Variants in MTUS2 observed in about 807,000 individuals in gnomAD.
The protein encoded by MTUS2 is microtubule-associated tumor suppressor candidate 2.
MTUS2 carries 40 observed loss-of-function variants against 114.1 expected under a neutral mutation model. The ratio of observed to expected loss-of-function variants is 0.35; its 90% CI spans 0.27 to 0.46. The LOEUF is 0.46. MTUS2 is among the 20% of genes least tolerant of loss of function. The pLI, the probability that MTUS2 is intolerant of heterozygous loss-of-function variation, is 1.00. For missense variants in MTUS2, 1,679 were observed against 1,705.4 expected (o/e 0.98, Z 0.27); for synonymous variants, 688 against 672.0 (o/e 1.02, Z -0.37).
chr13:29,285,156 A>G (rs9508333), intron 6 of MTUS2, among the ~76,000 whole-genome samples: 33,437 of 150,950 alleles, frequency 0.22, 3,914 homozygotes, highest in East Asian at 0.39. Flanking sequence ...ACAATGGATG[A>G]ATACCCATCA....
At chr13:29,476,213 T>C (rs1157865004) in intron 9 of MTUS2, among the ~76,000 whole-genome samples, 1 of 152,188 alleles carries the variant, frequency 6.6e-6, no homozygotes, top group Non-Finnish European at 1.5e-5. Context: ...TAGTAGGCTA[T>C]GCCTACACTC....
At chr13:28,868,894 C>T (rs57477721) in intron 2 of MTUS2, among the ~76,000 whole-genome samples, 3,627 of 152,224 alleles carry the variant, frequency 0.024, 141 homozygotes, top group African/African-American at 0.081. Context: ...AAGCATTGGG[C>T]TGAGTCAGAT....
chr13:28,981,859 C>G (rs1004380097), intron 2 of MTUS2, among the ~76,000 whole-genome samples: 4 of 152,150 alleles, frequency 2.6e-5, no homozygotes, highest in African/African-American at 9.7e-5. Context: ...TGAGTGCGGC[C>G]CACCATTGTG....
intron 5 of MTUS2, among the ~76,000 whole-genome samples, chr13:29,220,028 T>C (rs745623326): frequency 2.0e-5 from 3 of 151,790 alleles, no homozygotes; most frequent in Non-Finnish European, 4.4e-5. Context: ...AGAGTTTTGC[T>C]CTTGTTGCCC....
chr13:29,315,412 A>G (rs937138513), intron 6 of MTUS2, among the ~76,000 whole-genome samples: 1 of 152,238 alleles, frequency 6.6e-6, no homozygotes, highest in African/African-American at 2.4e-5. Flanking sequence ...TACATGTTCC[A>G]AAATATCACT....
intron 8 of MTUS2, among the ~76,000 whole-genome samples, chr13:29,367,410 G>T (rs894708075): frequency 6.6e-6 from 1 of 152,132 alleles, no homozygotes; most frequent in African/African-American, 2.4e-5. Context: ...AGAGTTCAGG[G>T]CCTTGAATCT....
intron 9 of MTUS2, among the ~76,000 whole-genome samples, chr13:29,469,504 G>A (rs1324688305): frequency 2.0e-5 from 3 of 151,988 alleles, no homozygotes; most frequent in African/African-American, 7.2e-5. Context: ...GTGGGCGCCT[G>A]TAGTCCCAGC....
At chr13:29,303,248 T>C (rs184314512) in intron 6 of MTUS2, among the ~76,000 whole-genome samples, 1 of 152,282 alleles carries the variant, frequency 6.6e-6, no homozygotes, top group Non-Finnish European at 1.5e-5. Context: ...GTGCCTCTTC[T>C]CCAAATAACT....
chr13:29,053,133 A>C (rs1446989380), intron 4 of MTUS2, among the ~76,000 whole-genome samples: 2 of 152,222 alleles, frequency 1.3e-5, no homozygotes, highest in Non-Finnish European at 2.9e-5. Flanking sequence ...TAATACAATG[A>C]TAATGATACT....
chr13:29,029,734 C>T (rs543630908), intron 3 of MTUS2, among the ~76,000 whole-genome samples: 1 of 152,300 alleles, frequency 6.6e-6, no homozygotes, highest in African/African-American at 2.4e-5. Flanking sequence ...AGGGGAACCA[C>T]GTGTGCATTG....
At chr13:29,187,099 A>G (rs1894256815) in intron 5 of MTUS2, among the ~76,000 whole-genome samples, 1 of 152,196 alleles carries the variant, frequency 6.6e-6, no homozygotes, top group Non-Finnish European at 1.5e-5. Context: ...AACTTATGTG[A>G]TACAGCTAAA....
intron 2 of MTUS2, among the ~76,000 whole-genome samples, chr13:28,962,396 A>C (rs1883371248): frequency 6.6e-6 from 1 of 152,106 alleles, no homozygotes; most frequent in African/African-American, 2.4e-5. Flanking sequence ...TTAATAATAA[A>C]ATTACCTAGA....
At chr13:28,840,449 G>C (rs779936880) in intron 2 of MTUS2, among the ~76,000 whole-genome samples, 11 of 152,216 alleles carry the variant, frequency 7.2e-5, no homozygotes, top group Admixed American at 2.0e-4. Flanking sequence ...GCACCCCTCT[G>C]TAAGACATTC....
intron 5 of MTUS2, among the ~76,000 whole-genome samples, chr13:29,251,657 T>C (rs189962270): frequency 1.4e-3 from 215 of 152,356 alleles, no homozygotes; most frequent in Middle Eastern, 6.8e-3. Context: ...CTCATCTCTA[T>C]GAATTTGCCT....
At chr13:28,877,207 A>C (rs1877995847) in intron 2 of MTUS2, among the ~76,000 whole-genome samples, 1 of 151,464 alleles carries the variant, frequency 6.6e-6, no homozygotes, top group African/African-American at 2.4e-5. Context: ...AGTCCCAGCT[A>C]CTCAGGAGGC....
intron 8 of MTUS2, among the ~76,000 whole-genome samples, chr13:29,366,648 T>A (rs2138272065): frequency 6.6e-6 from 1 of 152,314 alleles, no homozygotes; most frequent in East Asian, 1.9e-4. Context: ...AAATATAAGT[T>A]AGATTATTCT....
chr13:29,313,994 T>C (rs1899882946), intron 6 of MTUS2, among the ~76,000 whole-genome samples: 1 of 152,114 alleles, frequency 6.6e-6, no homozygotes, highest in Non-Finnish European at 1.5e-5. Context: ...TCTTCAGCTT[T>C]GGAAGCTGTC....
chr13:28,927,395 TA>T lies in MTUS2; in HGVS notation c.-243+87554del, dbSNP rs112941390. Reference sequence around the variant, plus strand: ...GGGCAACATAGCAGGACCCTGTCTCTAAAAAAAAAGAAAAGAAAAAATTAGT... The same window carrying T: ...GGGCAACATAGCAGGACCCTGTCTCTAAAAAAAAGAAAAGAAAAAATTAGT... On this transcript the variant is annotated intron_variant, in intron 2 of 15. Coordinates refer to ENST00000612955, the MANE Select transcript of MTUS2 (RefSeq NM_001033602.4). Among the ~76,000 whole-genome samples, 46 of 150,352 alleles carry T rather than the reference TA, an allele frequency of 3.1e-4. No homozygotes were observed. In the South Asian group the frequency reaches 6.3e-3, roughly 21 times the overall value.
intron 11 of MTUS2, 135 bp downstream of exon 11, chr13:29,488,140 G>C (rs557859135): frequency 3.0e-6 from 2 of 672,774 alleles, no homozygotes; most frequent in South Asian, 1.8e-5. Flanking sequence ...ATTTTTTCCT[G>C]TTGGCTCCTG....
Sources: allele counts gnomAD v4.1 joint callset (sites outside exome capture counted in the v4.1 genomes callset), GRCh38; gene constraint gnomAD v4.1.1; transcripts MANE v1.5; gene names NCBI Gene and HGNC (gene_info 2026-07-23, HGNC 2026-07-21).